The following INPP5A variants were observed in gnomAD, a reference collection of about 807,000 sequenced individuals.
The protein encoded by INPP5A is 43 kDa inositol polyphosphate 5-phophatase.
A neutral mutation model predicts 65.2 loss-of-function variants in INPP5A; 14 were observed. The observed-to-expected ratio is 0.21, with a 90% CI of 0.14 to 0.34. The LOEUF is 0.34. INPP5A is among the 10% of genes least tolerant of loss of function. INPP5A has a pLI of 1.00. For synonymous variants in INPP5A, 207 were observed against 208.3 expected, an observed-to-expected ratio of 0.99 and a Z score of 0.05; for missense variants, 431 against 545.6, an observed-to-expected ratio of 0.79 and a Z score of 2.09.
At chr10:132,596,849 GTGTGTGTGCATGTGTGTGCA>G (rs796203592) in intron 1 of INPP5A, among the ~76,000 whole-genome samples, 1 of 137,278 alleles carries the variant, frequency 7.3e-6, no homozygotes. Flanking sequence ...GTGTGCATGC[GTGTGTGTGCATGTGTGTGCA>G]TGTGTGTGCA....
At chr10:132,586,045 G>C (rs1482837463) in intron 1 of INPP5A, among the ~76,000 whole-genome samples, 2 of 152,226 alleles carry the variant, frequency 1.3e-5, no homozygotes, top group Non-Finnish European at 2.9e-5. Flanking sequence ...CAGCGCTTCT[G>C]TCCGGGGGCC....
rs1460528984 is a variant in INPP5A at position 132,587,668 on chromosome 10, C to T, written c.76-20247C>T. The stretch of plus-strand genomic sequence containing the variant: ...CAGAAACGGGGCCTGTAGATAATTG[C>T]GTTTTGTGTATGCCATGATTTCAAA... On this transcript the variant is annotated intron_variant, in intron 1 of 15. Coordinates refer to ENST00000368594, the MANE Select transcript of INPP5A (RefSeq NM_005539.5). The surrounding 1 kb of genome is among the most constrained non-coding windows in gnomAD (Gnocchi z 4.3). Among the ~76,000 whole-genome samples the T allele has an allele frequency of 6.6e-6, 1 of 152,154 alleles. No homozygotes were observed. The highest frequency in any genetic ancestry group is 1.5e-5 in the Non-Finnish European group (1 of 68,034).
At chr10:132,772,562 C>T (rs1159668609) in intron 12 of INPP5A, among the ~76,000 whole-genome samples, 46 of 113,538 alleles carry the variant, frequency 4.1e-4, no homozygotes, top group African/African-American at 1.4e-3. Flanking sequence ...GAGGCCACGG[C>T]AGCCACCCCA....
intron 1 of INPP5A, among the ~76,000 whole-genome samples, chr10:132,558,269 TC>T (rs1299134560): frequency 6.6e-6 from 1 of 152,068 alleles, no homozygotes; most frequent in Non-Finnish European, 1.5e-5. Context: ...GCTCCGGGTG[TC>T]CCCGGCCCAC....
chr10:132,672,742 G>T (rs377304359), intron 4 of INPP5A, among the ~76,000 whole-genome samples: 1 of 152,096 alleles, frequency 6.6e-6, no homozygotes, highest in African/African-American at 2.4e-5. Context: ...CTTCAAAAAC[G>T]ACTTCCACTC....
In INPP5A at chr10:132,644,144, C is replaced by T. The variant is rs1285507481; in HGVS notation, c.118-1724C>T. Among the ~76,000 whole-genome samples, 6 of 152,164 alleles carry T rather than the reference C, an allele frequency of 3.9e-5. No individual in the cohort carries two copies. The highest frequency in any genetic ancestry group is 1.2e-4 in the African/African-American group (5 of 41,444). ...CTGGCCCTTGGGAACCACGTTGGGC[C>T]GTCTGTTAGGGAGAAGTGCACTGCC... On this transcript the variant is annotated intron_variant, in intron 2 of 15. Coordinates refer to ENST00000368594, the MANE Select transcript of INPP5A (RefSeq NM_005539.5). This position sits in a 1 kb window ranked among gnomAD's most constrained non-coding sequence, Gnocchi z 6.5.
chr10:132,716,807 G>A (rs1304126194), intron 8 of INPP5A, among the ~76,000 whole-genome samples: 5 of 152,352 alleles, frequency 3.3e-5, no homozygotes, highest in Middle Eastern at 6.8e-3. Flanking sequence ...GTAAAATGGC[G>A]ATGCTCCGTG....
In INPP5A at chr10:132,659,115, G is replaced by A. The variant is rs2072701139; in HGVS notation, c.306+8610G>A. 6.6e-6 allele frequency among the ~76,000 whole-genome samples: 1 copy of A among 152,144 alleles called. No individual in the cohort carries two copies. Among genetic ancestry groups the A allele is most frequent in the African/African-American group, 2.4e-5 (1 of 41,436 alleles). On this transcript the variant is annotated intron_variant, in intron 4 of 15. Coordinates refer to ENST00000368594, the MANE Select transcript of INPP5A (RefSeq NM_005539.5). This position sits in a 1 kb window ranked among gnomAD's most constrained non-coding sequence, Gnocchi z 5.5. ...CCTAGGTGGGTCCCCAGCTCTGCAG[G>A]TGCCACTCCCCACGCCAGTGTTCTC...
chr10:132,719,449 G>C (rs1379891953), intron 8 of INPP5A, among the ~76,000 whole-genome samples: 8 of 150,582 alleles, frequency 5.3e-5, no homozygotes, highest in African/African-American at 9.8e-5. Context: ...TGGTACCTGG[G>C]TTCTGTCTGG....
At chr10:132,639,766 C>A (rs2072402959) in intron 2 of INPP5A, among the ~76,000 whole-genome samples, 1 of 152,142 alleles carries the variant, frequency 6.6e-6, no homozygotes, top group Non-Finnish European at 1.5e-5. Context: ...TTTTGCTGAA[C>A]CTTTGTGCTT....
intron 11 of INPP5A, among the ~76,000 whole-genome samples, chr10:132,758,401 C>T (rs1156527197): frequency 6.7e-6 from 1 of 149,392 alleles, no homozygotes; most frequent in Non-Finnish European, 1.5e-5. Flanking sequence ...CCCTGGCTGA[C>T]CCCACAACAC....
rs2070975027 is a variant in INPP5A, at chr10:132,546,568, G to A, written c.75+8397G>A. On this transcript the variant is annotated intron_variant, in intron 1 of 15. Coordinates refer to ENST00000368594, the MANE Select transcript of INPP5A (RefSeq NM_005539.5). The surrounding 1 kb of genome is among the most constrained non-coding windows in gnomAD (Gnocchi z 5.7). ...CCCCTTCTCTCTTGGAAGGTGTAAG[G>A]GCTTAGTAGGGCTGCCTCGGCTGCT... 6.6e-6 allele frequency among the ~76,000 whole-genome samples: 1 copy of A among 152,126 alleles called. No homozygotes were observed. The highest frequency in any genetic ancestry group is 2.4e-5 in the African/African-American group (1 of 41,426).
At chr10:132,558,077 C>T (rs749905727) in intron 1 of INPP5A, among the ~76,000 whole-genome samples, 5 of 152,176 alleles carry the variant, frequency 3.3e-5, no homozygotes, top group South Asian at 2.1e-4. Flanking sequence ...ACATGGCCAC[C>T]GTGTCTTCTT....
At chr10:132,665,527 G>A (rs1221272817) in intron 4 of INPP5A, among the ~76,000 whole-genome samples, 1 of 151,952 alleles carries the variant, frequency 6.6e-6, no homozygotes, top group Non-Finnish European at 1.5e-5. Context: ...TGAATTGCTT[G>A]AGCTTAGGAG....
intron 12 of INPP5A, among the ~76,000 whole-genome samples, chr10:132,766,700 G>A (rs559122553): frequency 1.1e-3 from 171 of 152,380 alleles, no homozygotes; most frequent in Non-Finnish European, 2.1e-3. Context: ...GTGTGTTCAC[G>A]CGTGGAGATG....
Position 132,705,481 on chromosome 10 carries a change from T to C in INPP5A, c.475-2832T>C, listed in dbSNP as rs2275269. On this transcript the variant is annotated intron_variant, in intron 6 of 15. Transcript: ENST00000368594. This position sits in a 1 kb window ranked among gnomAD's most constrained non-coding sequence, Gnocchi z 4.9. ...AGCACAGCAGGGGATGTGGGCTCAG[T>C]ACCAGAGCCAGCTCGTGGTGTGAGG... Among the ~76,000 whole-genome samples the C allele has an allele frequency of 0.015, 2,258 of 152,300 alleles. 33 individuals are homozygous for C. Among genetic ancestry groups the C allele is most frequent in the South Asian group, 0.039 (190 of 4,826 alleles).
intron 14 of INPP5A, among the ~76,000 whole-genome samples, chr10:132,781,174 A>G (rs962836226): frequency 6.6e-6 from 1 of 152,270 alleles, no homozygotes; most frequent in South Asian, 2.1e-4. Flanking sequence ...TGACGTTACA[A>G]TAGAATAAAA....
chr10:132,677,028 A>ATT (rs2072975234), intron 4 of INPP5A, among the ~76,000 whole-genome samples: 1 of 79,692 alleles, frequency 1.3e-5, no homozygotes, highest in African/African-American at 4.2e-5. Flanking sequence ...ACAGGTATTC[A>ATT]CATGGTGACC....
chr10:132,700,934 C>T (rs1408661025), intron 6 of INPP5A, among the ~76,000 whole-genome samples: 1 of 152,168 alleles, frequency 6.6e-6, no homozygotes, highest in East Asian at 1.9e-4. Flanking sequence ...ATTTTTAAAA[C>T]GCAGATTTGT....
Sources: allele counts gnomAD v4.1 joint callset (sites outside exome capture counted in the v4.1 genomes callset), GRCh38; gene constraint gnomAD v4.1.1; non-coding constraint Gnocchi (gnomAD v3.1); transcripts MANE v1.5; gene names NCBI Gene and HGNC (gene_info 2026-07-23, HGNC 2026-07-21).